The following UTS2B variants were observed in gnomAD, a reference collection of about 807,000 sequenced individuals.
The protein encoded by UTS2B is urotensin-2B.
A neutral mutation model predicts 19.2 loss-of-function variants in UTS2B; 21 were observed. The observed-to-expected ratio is 1.09, with a 90% CI of 0.78 to 1.58. The LOEUF is 1.58. Among genes scored for constraint, UTS2B ranks in the 40% most tolerant of loss-of-function variants. The pLI is 0.00. For missense variants in UTS2B, 138 were observed against 130.3 expected (o/e 1.06, Z -0.29); for synonymous variants, 57 against 50.2 (o/e 1.14, Z -0.58).
At chr3:191,291,068 CT>C (rs1485907331) in intron 4 of UTS2B, among the ~76,000 whole-genome samples, 1 of 94,584 alleles carries the variant, frequency 1.1e-5, no homozygotes, top group Non-Finnish European at 2.5e-5. Context: ...GCTTGGAGTT[CT>C]TTTTTTCATT....
intron 6 of UTS2B, chr3:191,277,776 T>C (rs1560133310): frequency 5.6e-6 from 1 of 179,940 alleles, no homozygotes; most frequent in East Asian, 1.4e-4. Flanking sequence ...GTGGTACTAG[T>C]GGAGAATTGC....
chr3:191,296,429 C>G (rs868537876), intron 4 of UTS2B, among the ~76,000 whole-genome samples: 3 of 152,170 alleles, frequency 2.0e-5, no homozygotes, highest in South Asian at 2.1e-4. Flanking sequence ...ATATCTCAAC[C>G]GTAAATCAAT....
chr3:191,270,898 A>C (rs1716073651), intron 8 of UTS2B, among the ~76,000 whole-genome samples: 1 of 152,078 alleles, frequency 6.6e-6, no homozygotes, highest in Admixed American at 6.5e-5. Flanking sequence ...AATGACCTTT[A>C]GGCCTCCCAA....
Position 191,303,780 on chromosome 3 carries a change from G to A in UTS2B, c.-125+712C>T, listed in dbSNP as rs80067917. On this transcript the variant is annotated intron_variant, in intron 4 of 8. Transcript: ENST00000340524. ...TTTTTCCTTGTATTTCAGATTGACA[G>A]TACAATGAACAGTTGTCTGCGGAGT... Among the ~76,000 whole-genome samples the A allele has an allele frequency of 3.2e-3, 489 of 152,258 alleles. 5 individuals carry two copies. The highest frequency in any genetic ancestry group is 0.011 in the African/African-American group (459 of 41,530).
intron 6 of UTS2B, 132 bp downstream of exon 6, chr3:191,277,940 A>G (rs945188670): frequency 7.1e-5 from 35 of 495,928 alleles, no homozygotes; most frequent in Non-Finnish European, 1.2e-4. Context: ...AAAATCACTT[A>G]AATCTTTAGT....
intron 8 of UTS2B, chr3:191,273,461 C>T (rs1716145258): frequency 2.2e-6 from 1 of 456,498 alleles, no homozygotes; most frequent in Non-Finnish European, 4.4e-6. Flanking sequence ...GATGTGTGTC[C>T]CTTCCGAACT....
chr3:191,340,310 A>T, the UTS2B span, among the ~76,000 whole-genome samples: 1 of 152,238 alleles, frequency 6.6e-6, no homozygotes, highest in Non-Finnish European at 1.5e-5. Flanking sequence ...CTTATATACT[A>T]TCATAAAGTC....
At chr3:191,309,154 G>A (rs1323074348) in intron 3 of UTS2B, among the ~76,000 whole-genome samples, 1 of 152,044 alleles carries the variant, frequency 6.6e-6, no homozygotes, top group African/African-American at 2.4e-5. Context: ...CACAGGGACT[G>A]GCTTTCTTGT....
In UTS2B at chr3:191,275,259, G is replaced by T; in HGVS notation, c.327C>A (p.Ser109Arg). 6.2e-7 allele frequency: 1 copy of T among 1,603,074 alleles called. No homozygotes were observed. The highest frequency in any genetic ancestry group is 8.5e-7 in the Non-Finnish European group (1 of 1,172,908). Residue 109 changes from serine to arginine, a missense_variant, in exon 8 of 9, where the codon AGC becomes AGA. By Grantham distance (110) the Ser-to-Arg change is moderately radical (BLOSUM62 -1). Coordinates refer to ENST00000340524, the MANE Select transcript of UTS2B (RefSeq NM_198152.5). ...CTTGAAATGAAAGCTTACCTCGTTT[G>T]CTAGGATGAGAAGAGAATAGACCAT... ...AVDGLFSSHP[S>R]KRACFWKYCV
rs1366089323 is a variant in UTS2B, at chr3:191,267,587, A to G, written c.*829T>C. On this transcript the variant is annotated 3_prime_UTR_variant, in exon 9 of 9. Transcript: ENST00000340524. ...GAAAGCTGGGTCCAGGGGGGTCACC[A>G]CCTTCTGGTCCCATGGTGCCAACAA... 2.0e-5 allele frequency: 3 copies of G among 152,206 alleles called. No individual in the cohort carries two copies. Among genetic ancestry groups the G allele is most frequent in the Non-Finnish European group, 4.4e-5 (3 of 68,032 alleles). The allele number at this position is 152,206 out of a possible 1,614,324, so 9.4% of individuals were successfully genotyped here. A position where few individuals can be genotyped will look rare whatever the true frequency, so the allele number is the denominator to read the frequency against.
intron 4 of UTS2B, among the ~76,000 whole-genome samples, chr3:191,287,485 G>A (rs1716587864): frequency 6.6e-6 from 1 of 151,898 alleles, no homozygotes; most frequent in South Asian, 2.1e-4. Context: ...CGAATTAATC[G>A]AACGAAGAAC....
chr3:191,272,725 G>A (rs1716123605), intron 8 of UTS2B, among the ~76,000 whole-genome samples: 1 of 151,930 alleles, frequency 6.6e-6, no homozygotes, highest in Non-Finnish European at 1.5e-5. Context: ...GCTGGGCGTG[G>A]TGGTGCGTGC....
intron 3 of UTS2B, among the ~76,000 whole-genome samples, chr3:191,308,370 G>A (rs1717201266): frequency 6.6e-6 from 1 of 152,110 alleles, no homozygotes; most frequent in Non-Finnish European, 1.5e-5. Flanking sequence ...AAAACAAGCA[G>A]CCTTTAAGTC....
At chr3:191,324,701 C>T (rs28696260) in intron 2 of UTS2B, among the ~76,000 whole-genome samples, 36,816 of 152,136 alleles carry the variant, frequency 0.24, 4,968 homozygotes, top group Non-Finnish European at 0.3. Context: ...TGGGTGATGT[C>T]TTTATTAGCA....
intron 4 of UTS2B, among the ~76,000 whole-genome samples, chr3:191,298,498 T>A (rs1374595232): frequency 6.6e-6 from 1 of 152,186 alleles, no homozygotes; most frequent in Non-Finnish European, 1.5e-5. Flanking sequence ...CCCTTTGCCT[T>A]CAGGAATGAT....
At chr3:191,323,564 G>C in intron 2 of UTS2B, among the ~76,000 whole-genome samples, 1 of 152,178 alleles carries the variant, frequency 6.6e-6, no homozygotes, top group East Asian at 1.9e-4. Flanking sequence ...CTATCAGTGT[G>C]TTTTGGAATA....
At chr3:191,289,162 C>A (rs967774198) in intron 4 of UTS2B, among the ~76,000 whole-genome samples, 3 of 152,130 alleles carry the variant, frequency 2.0e-5, no homozygotes, top group Non-Finnish European at 2.9e-5. Context: ...GTAATCCCAG[C>A]ACTTTGGGAG....
chr3:191,288,264 G>C (rs1397801343), intron 4 of UTS2B, among the ~76,000 whole-genome samples: 1 of 152,096 alleles, frequency 6.6e-6, no homozygotes, highest in African/African-American at 2.4e-5. Context: ...TACAGAAATA[G>C]AAATAAAAGC....
At chr3:191,275,210 T>G (rs752849184) in intron 8 of UTS2B, 42 bp downstream of exon 8, 1 of 1,444,654 alleles carries the variant, frequency 6.9e-7, no homozygotes, top group African/African-American at 1.4e-5. Context: ...GCAAAAATAA[T>G]CTTTTGGAAG....
Sources: allele counts gnomAD v4.1 joint callset (sites outside exome capture counted in the v4.1 genomes callset), GRCh38; gene constraint gnomAD v4.1.1; transcripts MANE v1.5; gene names NCBI Gene and HGNC (gene_info 2026-07-23, HGNC 2026-07-21).